The following OR9G4 variants were observed in gnomAD, a reference collection of about 807,000 sequenced individuals.
OR9G4 encodes the protein olfactory receptor 9G4.
OR9G4 carries 19 observed loss-of-function variants against 16.7 expected under a neutral mutation model. The ratio of observed to expected loss-of-function variants is 1.14; its 90% CI spans 0.79 to 1.67. The LOEUF is 1.67. OR9G4 is among the 40% of genes most tolerant of loss of function. OR9G4 has a pLI of 0.00. For missense variants in OR9G4, 428 were observed against 370.4 expected (o/e 1.16, Z -1.28); for synonymous variants, 182 against 146.2 (o/e 1.24, Z -1.76).
chr11:56,741,377 G>C lies in OR9G4; in HGVS notation c.*1451C>G. The C allele has an allele frequency of 5.7e-6, 1 of 174,438 alleles. No homozygotes were observed. The highest frequency in any genetic ancestry group is 1.2e-5 in the Non-Finnish European group (1 of 82,108). The allele number at this position is 174,438 out of a possible 1,614,324, so 10.8% of individuals were successfully genotyped here. A position where few individuals can be genotyped will look rare whatever the true frequency, so the allele number is the denominator to read the frequency against. ...AAAGTAATTATTCTGATATCCTAAA[G>C]TGAAATTAAATTTTTACGATGTTCT... On this transcript the variant is annotated 3_prime_UTR_variant, in exon 2 of 2. Coordinates refer to ENST00000641668, the MANE Select transcript of OR9G4 (RefSeq NM_001005284.2).
At chr11:56,745,984 T>G (rs185043833) in intron 1 of OR9G4, among the ~76,000 whole-genome samples, 1 of 151,902 alleles carries the variant, frequency 6.6e-6, no homozygotes, top group Admixed American at 6.6e-5. Context: ...GCATACACAT[T>G]CTTGTGTCCT....
Position 56,743,221 on chromosome 11 carries a change from T to C in OR9G4, c.546A>G (p.Pro182=). 12 of 1,614,132 alleles carry C rather than the reference T, an allele frequency of 7.4e-6. No homozygotes were observed. Among genetic ancestry groups the C allele is most frequent in the Non-Finnish European group, 1.0e-5 (12 of 1,180,012 alleles). Residue 182 remains proline, a synonymous_variant, in exon 2 of 2, where the codon CCA becomes CCG. Coordinates refer to ENST00000641668, the MANE Select transcript of OR9G4 (RefSeq NM_001005284.2). ...NIIDHFFCDA[P]PLVKMSCTNT... The stretch of plus-strand genomic sequence containing the variant: ...TTGTACAGGACATTTTTACCAATGG[T>C]GGTGCATCACAGAAAAAGTGGTCAA...
chr11:56,742,978 A>T lies in OR9G4; in HGVS notation c.789T>A (p.Ser263Arg). Residue 263 changes from serine to arginine, a missense_variant, in exon 2 of 2, where the codon AGT becomes AGA. By Grantham distance (110) the Ser-to-Arg change is moderately radical. Coordinates refer to ENST00000641668, the MANE Select transcript of OR9G4 (RefSeq NM_001005284.2). ...TGTCCCTCTCTAGGGAGTAGGTGGA[A>T]CTAGGCCTTGAATACATAAACAACA... is the stretch of plus-strand genomic sequence containing the variant. The part of the protein sequence containing the change: ...GSLLFMYSRP[S>R]STYSLERDKV... The T allele has an allele frequency of 6.2e-7, 1 of 1,614,144 alleles. No homozygotes were observed. The highest frequency in any genetic ancestry group is 1.7e-4 in the Middle Eastern group (1 of 6,060).
Position 56,743,787 on chromosome 11 carries a change from G to A in OR9G4, c.-21C>T, listed in dbSNP as rs778509528. On this transcript the variant is annotated splice_region_variant and 5_prime_UTR_variant, in exon 2 of 2. Coordinates refer to ENST00000641668, the MANE Select transcript of OR9G4 (RefSeq NM_001005284.2). ...TCCATGTCCACGGAGGTGAAAGCCT[G>A]ACTATCATGAGAAGGGAAAATCATC... The A allele has an allele frequency of 6.2e-7, 1 of 1,612,898 alleles. No individual in the cohort carries two copies. The highest frequency in any genetic ancestry group is 8.5e-7 in the Non-Finnish European group (1 of 1,179,476).
At chr11:56,744,129 G>A (rs80004133) in intron 1 of OR9G4, 20,034 of 260,386 alleles carry the variant, frequency 0.077, 1,053 homozygotes, top group East Asian at 0.12. Flanking sequence ...ATACAGTGGC[G>A]TGATCTCCAT....
chr11:56,746,120 C>T (rs530598530), intron 1 of OR9G4, among the ~76,000 whole-genome samples: 2 of 151,308 alleles, frequency 1.3e-5, no homozygotes, highest in South Asian at 4.2e-4. Context: ...GGTGAAACCC[C>T]GTCTCTACTA....
At position 56,742,411 on chromosome 11, in the gene OR9G4, AT is replaced by A. The variant is rs745761755; in HGVS notation, c.*416del. The A allele has an allele frequency of 1.2e-4, 20 of 160,200 alleles. No homozygotes were observed. Among genetic ancestry groups the A allele is most frequent in the Non-Finnish European group, 2.2e-4 (16 of 73,122 alleles). The allele number at this position is 160,200 out of a possible 1,614,324, so 9.9% of individuals were successfully genotyped here. A position where few individuals can be genotyped will look rare whatever the true frequency, so the allele number is the denominator to read the frequency against. On this transcript the variant is annotated 3_prime_UTR_variant, in exon 2 of 2. Transcript: ENST00000641668. ...AGGAAATGATTTTCTTAAAATAAAT[AT>A]TTGTAAAATCTTGAGCATATTTCCA...
chr11:56,748,577 T>C, intron 1 of OR9G4, 79 bp downstream of exon 1: 1 of 152,362 alleles, frequency 6.6e-6, no homozygotes, highest in Non-Finnish European at 1.5e-5. Context: ...CGTGCCAGAT[T>C]CTGTATCCCC....
intron 1 of OR9G4, among the ~76,000 whole-genome samples, chr11:56,747,623 A>G (rs1254523676): frequency 6.6e-6 from 1 of 152,142 alleles, no homozygotes; most frequent in Admixed American, 6.5e-5. Flanking sequence ...AGAGTGAGTA[A>G]TTGGTTAATT....
chr11:56,747,996 G>T (rs1858447458), intron 1 of OR9G4, among the ~76,000 whole-genome samples: 1 of 152,100 alleles, frequency 6.6e-6, no homozygotes. Context: ...TTCTAACCTG[G>T]TTCAAAATAT....
In OR9G4 at chr11:56,743,579, A is replaced by G. The variant is rs149780561; in HGVS notation, c.188T>C (p.Ile63Thr). Residue 63 changes from isoleucine (I) to threonine (T), a missense_variant, in exon 2 of 2, where the codon ATT (isoleucine) becomes ACT (threonine). Physicochemically the swap from Ile to Thr is moderately conservative, Grantham distance 89. Transcript: ENST00000641668. ...GAAATCCAAAAAAGACAGATTGCCA[A>G]TGAAAAAGTACATAGGTGTATGCAA... ...SHLHTPMYFF[I>T]GNLSFLDFWY... The G allele has an allele frequency of 5.9e-5, 96 of 1,614,230 alleles. No homozygotes were observed. The highest frequency in any genetic ancestry group is 3.5e-4 in the Admixed American group (21 of 60,036).
At position 56,741,433 on chromosome 11, in the gene OR9G4, T is replaced by C. The variant is rs1024484596; in HGVS notation, c.*1395A>G. ...ATAATATTGACCCAATTATTTTTCCTACATAGTGACTATTATGGAGATGAA... is the reference window on the plus strand; with the variant it reads ...ATAATATTGACCCAATTATTTTTCCCACATAGTGACTATTATGGAGATGAA... On this transcript the variant is annotated 3_prime_UTR_variant, in exon 2 of 2. Transcript: ENST00000641668. 6.0e-6 allele frequency: 1 copy of C among 167,880 alleles called. No individual in the cohort carries two copies. The highest frequency in any genetic ancestry group is 2.4e-5 in the African/African-American group (1 of 41,622). The allele number at this position is 167,880 out of a possible 1,614,324, so 10.4% of individuals were successfully genotyped here.
rs1336894125 is a variant in OR9G4, at chr11:56,743,430, A to G, written c.337T>C (p.Tyr113His). ...TCATATGCCATGGCTGCCAGGAGAT[A>G]GCATTCAGTGTAGGCTACAACACAG... The part of the protein sequence containing the change: ...FSCVVAYTEC[Y>H]LLAAMAYDRH... Residue 113 changes from tyrosine (Y) to histidine (H), a missense_variant, in exon 2 of 2, where the codon TAT becomes CAT. Tyr to His is a moderately conservative substitution (Grantham distance 83). Transcript: ENST00000641668. 2.5e-6 allele frequency: 4 copies of G among 1,614,208 alleles called. No homozygotes were observed. The highest frequency in any genetic ancestry group is 3.4e-6 in the Non-Finnish European group (4 of 1,180,046).
chr11:56,745,215 T>C (rs980918800), intron 1 of OR9G4, among the ~76,000 whole-genome samples: 1 of 152,184 alleles, frequency 6.6e-6, no homozygotes, highest in African/African-American at 2.4e-5. Context: ...AAATAAGCAA[T>C]TTCAGCCAGA....
At chr11:56,745,701 G>A (rs1053032179) in intron 1 of OR9G4, among the ~76,000 whole-genome samples, 1 of 151,636 alleles carries the variant, frequency 6.6e-6, no homozygotes, top group Admixed American at 6.6e-5. Context: ...GAACCCAGGA[G>A]GCAGAGGTTG....
rs925177194 is a variant in OR9G4 at position 56,742,202 on chromosome 11, G to A, written c.*626C>T. The A allele has an allele frequency of 2.6e-5, 4 of 152,726 alleles. No homozygotes were observed. The highest frequency in any genetic ancestry group is 1.3e-4 in the Admixed American group (2 of 15,322). 9.5% of individuals were successfully genotyped at this position (152,726 alleles called of 1,614,324 possible). On this transcript the variant is annotated 3_prime_UTR_variant, in exon 2 of 2. Transcript: ENST00000641668. ...CTCCTTGTAAGAGAGAAGACTGTTA[G>A]GATGATATGCAATTCTAAAGACACA...
intron 1 of OR9G4, among the ~76,000 whole-genome samples, chr11:56,746,786 T>C (rs1364688789): frequency 6.6e-6 from 1 of 152,182 alleles, no homozygotes; most frequent in Non-Finnish European, 1.5e-5. Flanking sequence ...CTTTTCCAAA[T>C]TTCAGAAAAT....
chr11:56,743,484 C>G lies in OR9G4; in HGVS notation c.283G>C (p.Ala95Pro). ...AAAAACAGCTGAGCCCCACATCCAG[C>G]CAAGGAAATGCGCTTATCTTCTGAG... ...CVSEDKRISLAGCGAQLFFSC... is the reference protein window; with the variant it reads ...CVSEDKRISLPGCGAQLFFSC... Residue 95 changes from alanine (A) to proline (P), a missense_variant, in exon 2 of 2, where the codon GCT becomes CCT. Ala to Pro is a conservative substitution (Grantham distance 27, BLOSUM62 -1). Transcript: ENST00000641668. The G allele has an allele frequency of 6.2e-7, 1 of 1,614,078 alleles. No homozygotes were observed. The highest frequency in any genetic ancestry group is 1.1e-5 in the South Asian group (1 of 91,078).
chr11:56,745,113 T>A (rs1186851590), intron 1 of OR9G4, among the ~76,000 whole-genome samples: 1 of 152,184 alleles, frequency 6.6e-6, no homozygotes, highest in African/African-American at 2.4e-5. Flanking sequence ...TACAAAATTT[T>A]AACTATCATT....
Sources: allele counts gnomAD v4.1 joint callset (sites outside exome capture counted in the v4.1 genomes callset), GRCh38; gene constraint gnomAD v4.1.1; transcripts MANE v1.5; gene names NCBI Gene and HGNC (gene_info 2026-07-23, HGNC 2026-07-21).